The following CNTN4 variants were observed in gnomAD, a reference collection of about 807,000 sequenced individuals.
CNTN4 encodes contactin 4, also known as contactin-4.
A neutral mutation model predicts 122.5 loss-of-function variants in CNTN4; 77 were observed. That is an observed-to-expected ratio of 0.63 (90% CI 0.52 to 0.76). The LOEUF (loss-of-function observed/expected upper bound fraction) is 0.76. CNTN4 is among the 30% of genes least tolerant of loss of function. CNTN4 has a pLI of 0.00. For missense variants in CNTN4, 1,256 were observed against 1,259.1 expected, an observed-to-expected ratio of 1.00 and a Z score of 0.04; for synonymous variants, 512 against 447.0, an observed-to-expected ratio of 1.15 and a Z score of -1.83.
chr3:2,998,141 A>T (rs1297879027), intron 14 of CNTN4, among the ~76,000 whole-genome samples: 1 of 152,174 alleles, frequency 6.6e-6, no homozygotes, highest in African/African-American at 2.4e-5. Flanking sequence ...TGTCCACAGC[A>T]TGGGTAGAAC....
chr3:2,235,682 C>A lies in CNTN4; in HGVS notation c.-144-103496C>A, dbSNP rs184941259. 3.0e-3 allele frequency among the ~76,000 whole-genome samples: 454 copies of A among 152,054 alleles called. 3 individuals are homozygous for A. The highest frequency in any genetic ancestry group is 0.01 in the African/African-American group (435 of 41,496). Reference sequence around the variant, plus strand: ...GAGAACTAGATTTCAGTAAAATGATCCCACTAGATTGTAAATTTTGTTAAT... The same window carrying A: ...GAGAACTAGATTTCAGTAAAATGATACCACTAGATTGTAAATTTTGTTAAT... On this transcript the variant is annotated intron_variant, in intron 2 of 24. Transcript: ENST00000418658.
chr3:2,382,387 C>G (rs1191687202), intron 3 of CNTN4, among the ~76,000 whole-genome samples: 2 of 151,978 alleles, frequency 1.3e-5, no homozygotes, highest in East Asian at 3.9e-4. Flanking sequence ...GAACTCCTGA[C>G]CTCATGATCC....
chr3:2,811,300 C>T (rs2092601914), intron 6 of CNTN4, among the ~76,000 whole-genome samples: 1 of 150,548 alleles, frequency 6.6e-6, no homozygotes, highest in Non-Finnish European at 1.5e-5. Flanking sequence ...CTCAGCTACT[C>T]TGGAGGCTGA....
intron 6 of CNTN4, among the ~76,000 whole-genome samples, chr3:2,767,082 G>GT (rs1273311766): frequency 3.9e-5 from 6 of 152,118 alleles, no homozygotes; most frequent in East Asian, 1.9e-4. Context: ...ATTAAAAGTA[G>GT]TTTTTTTATT....
chr3:2,612,510 T>C (rs558052469), intron 4 of CNTN4, among the ~76,000 whole-genome samples: 1 of 152,184 alleles, frequency 6.6e-6, no homozygotes, highest in Admixed American at 6.6e-5. Context: ...CACAGTTGCT[T>C]TTGCAGCAGT....
chr3:2,933,218 C>A (rs112056170), intron 13 of CNTN4, among the ~76,000 whole-genome samples: 1 of 152,086 alleles, frequency 6.6e-6, no homozygotes, highest in Non-Finnish European at 1.5e-5. Context: ...GTTATGCATT[C>A]GTCGCAGGGT....
At position 2,745,685 on chromosome 3, in the gene CNTN4, C is replaced by T; in HGVS notation, c.346C>T (p.Leu116Phe). 1 of 1,613,934 alleles carries T rather than the reference C, an allele frequency of 6.2e-7. No homozygotes were observed. The highest frequency in any genetic ancestry group is 1.3e-5 in the African/African-American group (1 of 75,030). Residue 116 changes from leucine (L) to phenylalanine (F), a missense_variant, in exon 6 of 25, where the codon CTT becomes TTT. Leu to Phe is a conservative substitution (Grantham distance 22). Transcript: ENST00000418658. ...AACAATTGTTAGCAGAGAAGCAAAG[C>T]TTCAGTTTGCTTGTAAGTAGCAATT... is the stretch of plus-strand genomic sequence containing the variant. Reference protein sequence around the residue: ...FGTIVSREAKLQFAYLDNFKT... With the variant: ...FGTIVSREAKFQFAYLDNFKT...
chr3:3,017,603 G>A (rs943834608), intron 14 of CNTN4, among the ~76,000 whole-genome samples: 3 of 152,194 alleles, frequency 2.0e-5, no homozygotes, highest in Admixed American at 6.5e-5. Context: ...GCCAGAATGG[G>A]CAGCAAGGCC....
intron 6 of CNTN4, among the ~76,000 whole-genome samples, chr3:2,783,872 G>C (rs2091706346): frequency 6.6e-6 from 1 of 152,166 alleles, no homozygotes; most frequent in Non-Finnish European, 1.5e-5. Context: ...CCGTTCTTTA[G>C]TTAGTTGAAC....
At chr3:2,914,898 T>G (rs114133579) in intron 12 of CNTN4, among the ~76,000 whole-genome samples, 2,163 of 152,250 alleles carry the variant, frequency 0.014, 53 homozygotes, top group African/African-American at 0.049. Context: ...CATACTCAAC[T>G]CAGCAGTACA....
At chr3:2,301,177 T>G (rs2042503962) in intron 2 of CNTN4, among the ~76,000 whole-genome samples, 1 of 152,212 alleles carries the variant, frequency 6.6e-6, no homozygotes, top group Admixed American at 6.5e-5. Context: ...ACATCACAGA[T>G]GCACTGTTAG....
At chr3:2,301,895 G>A (rs559106581) in intron 2 of CNTN4, among the ~76,000 whole-genome samples, 14 of 152,282 alleles carry the variant, frequency 9.2e-5, no homozygotes, top group Admixed American at 3.3e-4. Context: ...AGCAATTTAC[G>A]TGAGAGAAAT....
chr3:2,832,972 A>G (rs1327735710), intron 7 of CNTN4, among the ~76,000 whole-genome samples: 1 of 152,202 alleles, frequency 6.6e-6, no homozygotes, highest in Non-Finnish European at 1.5e-5. Context: ...ATAAAATAAG[A>G]AATCTACACT....
At chr3:2,263,692 A>G (rs1278885822) in intron 2 of CNTN4, among the ~76,000 whole-genome samples, 1 of 151,726 alleles carries the variant, frequency 6.6e-6, no homozygotes, top group Non-Finnish European at 1.5e-5. Flanking sequence ...GTTAATTATA[A>G]TTTCCCTATT....
At chr3:2,747,854 C>G (rs1277449961) in intron 6 of CNTN4, among the ~76,000 whole-genome samples, 4 of 152,148 alleles carry the variant, frequency 2.6e-5, no homozygotes, top group Admixed American at 2.0e-4. Context: ...TCTACTTGTT[C>G]AAAAATACAA....
At chr3:2,456,769 A>G (rs1214857060) in intron 3 of CNTN4, among the ~76,000 whole-genome samples, 3 of 152,042 alleles carry the variant, frequency 2.0e-5, no homozygotes, top group South Asian at 2.1e-4. Context: ...CCATTCGTCT[A>G]TCTATGGACG....
chr3:2,104,234 G>A (rs2125096303), intron 2 of CNTN4, among the ~76,000 whole-genome samples: 1 of 135,990 alleles, frequency 7.4e-6, no homozygotes, highest in African/African-American at 2.6e-5. Context: ...GTCTACGTGT[G>A]TGTGTGTGTG....
chr3:2,880,895 C>T (rs1443510696), intron 8 of CNTN4, among the ~76,000 whole-genome samples: 4 of 152,152 alleles, frequency 2.6e-5, no homozygotes, highest in East Asian at 1.9e-4. Flanking sequence ...GAGGGATAAG[C>T]GTCCCTTCAA....
intron 13 of CNTN4, among the ~76,000 whole-genome samples, chr3:2,952,508 T>C (rs889531162): frequency 1.3e-5 from 2 of 152,238 alleles, no homozygotes; most frequent in African/African-American, 4.8e-5. Context: ...TTTTGTTACA[T>C]GCATTTTTAG....
Sources: allele counts gnomAD v4.1 joint callset (sites outside exome capture counted in the v4.1 genomes callset), GRCh38; gene constraint gnomAD v4.1.1; transcripts MANE v1.5; gene names NCBI Gene and HGNC (gene_info 2026-07-23, HGNC 2026-07-21).